MMP16: variants seen among roughly 807,000 people sequenced by gnomAD.
MMP16 encodes matrix metalloproteinase-16.
MMP16 carries 12 observed loss-of-function variants against 67.8 expected under a neutral mutation model. The ratio of observed to expected loss-of-function variants is 0.18; its 90% CI spans 0.11 to 0.29. MMP16 has a LOEUF of 0.29. MMP16 is among the 10% of genes least tolerant of loss of function. The pLI is 1.00. For synonymous variants in MMP16, 249 were observed against 255.9 expected (o/e 0.97, Z 0.26); for missense variants, 475 against 765.7 (o/e 0.62, Z 4.48).
At chr8:88,042,056 C>T (rs1292493208) in intron 9 of MMP16, among the ~76,000 whole-genome samples, 1 of 152,104 alleles carries the variant, frequency 6.6e-6, no homozygotes, top group African/African-American at 2.4e-5. Context: ...GTTCAAAGAC[C>T]ATGCTATGCA....
intron 7 of MMP16, among the ~76,000 whole-genome samples, chr8:88,063,211 C>T (rs1030634025): frequency 1.3e-5 from 2 of 152,008 alleles, no homozygotes; most frequent in Admixed American, 6.6e-5. Flanking sequence ...TTCATCTATC[C>T]ATCCATCTAT....
intron 6 of MMP16, among the ~76,000 whole-genome samples, chr8:88,083,012 TC>T (rs1320860504): frequency 6.6e-6 from 1 of 151,978 alleles, no homozygotes; most frequent in African/African-American, 2.4e-5. Context: ...TAAATATTAA[TC>T]TTCATTCAAT....
intron 4 of MMP16, among the ~76,000 whole-genome samples, chr8:88,161,679 G>A (rs370646394): frequency 2.0e-5 from 3 of 151,858 alleles, no homozygotes; most frequent in East Asian, 1.9e-4. Flanking sequence ...GCTTTCTCTC[G>A]TGGGCATGTA....
chr8:88,271,093 G>A (rs936706666), intron 1 of MMP16, among the ~76,000 whole-genome samples: 2 of 152,176 alleles, frequency 1.3e-5, no homozygotes, highest in Non-Finnish European at 2.9e-5. Context: ...AATCCAAAGA[G>A]AGATTAAGAT....
chr8:88,312,424 C>T (rs2222293), intron 1 of MMP16, among the ~76,000 whole-genome samples: 148,693 of 152,308 alleles, frequency 0.98, 72,640 homozygotes, highest in East Asian at 1. Flanking sequence ...TACTAAGAAC[C>T]GGATTATATA....
At chr8:88,257,275 T>C (rs149814413) in intron 1 of MMP16, among the ~76,000 whole-genome samples, 1 of 152,354 alleles carries the variant, frequency 6.6e-6, no homozygotes, top group East Asian at 1.9e-4. Flanking sequence ...GTTACCTGTG[T>C]ATACATAATA....
chr8:88,257,096 A>T (rs974391450), intron 1 of MMP16, among the ~76,000 whole-genome samples: 6 of 152,166 alleles, frequency 3.9e-5, no homozygotes, highest in African/African-American at 1.4e-4. Context: ...TCCTTTTAAC[A>T]GTTGTTCTTT....
At chr8:88,230,403 TG>T (rs1809839552) in intron 1 of MMP16, among the ~76,000 whole-genome samples, 1 of 152,108 alleles carries the variant, frequency 6.6e-6, no homozygotes, top group Non-Finnish European at 1.5e-5. Context: ...AGATCTTTAG[TG>T]GGAAGGTAAA....
chr8:88,166,711 A>ATATATATATG (rs1808718927), intron 4 of MMP16, among the ~76,000 whole-genome samples: 1 of 137,624 alleles, frequency 7.3e-6, no homozygotes, highest in Non-Finnish European at 1.6e-5. Context: ...ATATATATAT[A>ATATATATATG]TATATATATA....
chr8:88,275,826 A>G (rs1466731244), intron 1 of MMP16, among the ~76,000 whole-genome samples: 1 of 151,976 alleles, frequency 6.6e-6, no homozygotes, highest in African/African-American at 2.4e-5. Context: ...ACCATTGTGA[A>G]CACTAAAAAA....
At chr8:88,106,336 G>A (rs1183710160) in intron 6 of MMP16, among the ~76,000 whole-genome samples, 1 of 151,118 alleles carries the variant, frequency 6.6e-6, no homozygotes, top group Non-Finnish European at 1.5e-5. Context: ...TATGTATCTT[G>A]GAGATTCAAC....
At position 88,254,723 on chromosome 8, in the gene MMP16, A is replaced by G. The variant is rs150393684; in HGVS notation, c.133-57417T>C. Among the ~76,000 whole-genome samples, 1,160 of 152,344 alleles carry G rather than the reference A, an allele frequency of 7.6e-3. 17 individuals carry two copies. Among genetic ancestry groups the G allele is most frequent in the Non-Finnish European group, 0.012 (800 of 68,030 alleles). ...AAGATAAACCTGAGAAACTGTCATTATAGCAAAGAGTAAACAAAGGAGACA... is the reference window on the plus strand; with the variant it reads ...AAGATAAACCTGAGAAACTGTCATTGTAGCAAAGAGTAAACAAAGGAGACA... On this transcript the variant is annotated intron_variant, in intron 1 of 9. Coordinates refer to ENST00000286614, the MANE Select transcript of MMP16 (RefSeq NM_005941.5).
chr8:88,274,291 G>T (rs1484931927), intron 1 of MMP16, among the ~76,000 whole-genome samples: 1 of 152,000 alleles, frequency 6.6e-6, no homozygotes, highest in Non-Finnish European at 1.5e-5. Context: ...AACAGAAGAA[G>T]AATTTAAATA....
At chr8:88,175,404 TAC>T in intron 3 of MMP16, among the ~76,000 whole-genome samples, 1 of 152,292 alleles carries the variant, frequency 6.6e-6, no homozygotes, top group South Asian at 2.1e-4. Context: ...TTTCTCTAAA[TAC>T]AGTTAGAAAA....
chr8:88,224,020 T>C (rs1809729061), intron 1 of MMP16, among the ~76,000 whole-genome samples: 1 of 151,810 alleles, frequency 6.6e-6, no homozygotes, highest in African/African-American at 2.4e-5. Flanking sequence ...ATGAGAAAAG[T>C]TTATTGAGTG....
At chr8:88,183,357 C>T (rs769773452) in intron 3 of MMP16, among the ~76,000 whole-genome samples, 13 of 152,046 alleles carry the variant, frequency 8.6e-5, no homozygotes, top group South Asian at 4.1e-4. Context: ...CTGTACTATC[C>T]GCTTAATTTT....
intron 3 of MMP16, among the ~76,000 whole-genome samples, chr8:88,185,153 CAAG>C (rs1182213833): frequency 6.6e-6 from 1 of 151,948 alleles, no homozygotes; most frequent in Admixed American, 6.6e-5. Flanking sequence ...TAAAAATATA[CAAG>C]AAGACAGAAA....
intron 1 of MMP16, among the ~76,000 whole-genome samples, chr8:88,319,315 T>C (rs1301889659): frequency 1.3e-5 from 2 of 152,222 alleles, no homozygotes; most frequent in East Asian, 3.9e-4. Flanking sequence ...CTAAGCTATT[T>C]GAAACTATTT....
At chr8:88,199,990 G>A (rs937046210) in intron 1 of MMP16, among the ~76,000 whole-genome samples, 1 of 152,014 alleles carries the variant, frequency 6.6e-6, no homozygotes, top group Admixed American at 6.6e-5. Flanking sequence ...TAGGGGTGAT[G>A]TTAGGATTAA....
Sources: allele counts gnomAD v4.1 joint callset (sites outside exome capture counted in the v4.1 genomes callset), GRCh38; gene constraint gnomAD v4.1.1; transcripts MANE v1.5; gene names NCBI Gene and HGNC (gene_info 2026-07-23, HGNC 2026-07-21).